Variants in CLEC3A observed in about 807,000 individuals in gnomAD.
CLEC3A encodes C-type (calcium dependent, carbohydrate-recognition domain) lectin, superfamily member 1 (cartilage-derived).
In CLEC3A, 28 loss-of-function variants were observed where a neutral mutation model predicts 20.4. The observed-to-expected ratio is 1.37, with a 90% CI of 1.02 to 1.88. CLEC3A has a LOEUF of 1.88. CLEC3A is among the 40% of genes most tolerant of loss of function. The pLI is 0.00. For synonymous variants in CLEC3A, 110 were observed against 88.1 expected, an observed-to-expected ratio of 1.25 and a Z score of -1.39; for missense variants, 357 against 240.4, an observed-to-expected ratio of 1.48 and a Z score of -3.21.
intron 1 of CLEC3A, among the ~76,000 whole-genome samples, chr16:78,024,739 C>T (rs932558844): frequency 3.3e-5 from 5 of 152,066 alleles, no homozygotes; most frequent in African/African-American, 1.2e-4. Context: ...AAGTGAAAGC[C>T]ATCTTCTCTC....
intron 2 of CLEC3A, chr16:78,029,002 T>C (rs1307676876): frequency 7.5e-6 from 3 of 400,452 alleles, no homozygotes; most frequent in Non-Finnish European, 9.8e-6. Context: ...GACAGTCAAA[T>C]GCTTATGCAG....
rs1440071645 is a variant in CLEC3A, at chr16:78,022,779, A to C, written c.115+38A>C. ...CTCAATCAAGCAAAATTCTAGGCTT[A>C]GACAGTGTGGGGAGGTGCTGGACAA... On this transcript the variant is annotated intron_variant, in intron 1 of 2. Transcript: ENST00000299642. 3 of 1,610,666 alleles carry C rather than the reference A, an allele frequency of 1.9e-6. No homozygotes were observed. The African/African-American group carries it at 4.0e-5, about 22-fold the overall frequency.
chr16:78,029,307 T>G (rs891700137), intron 2 of CLEC3A, among the ~76,000 whole-genome samples: 2 of 152,176 alleles, frequency 1.3e-5, no homozygotes, highest in Non-Finnish European at 2.9e-5. Flanking sequence ...TTACCAAGGC[T>G]CAGTTATCTG....
rs1032761709 is a variant in CLEC3A, at chr16:78,030,011, A to G, written c.200-436A>G. 1.3e-4 allele frequency among the ~76,000 whole-genome samples: 19 copies of G among 151,962 alleles called. 1 individual carries two copies. The highest frequency in any genetic ancestry group is 5.9e-4 in the East Asian group (3 of 5,108). On this transcript the variant is annotated intron_variant, in intron 2 of 2. Transcript: ENST00000299642. Reference sequence around the variant, plus strand: ...TACTAAAAATACAAAAAATTAGCCGAGTGTGGTGGCAGGCACCTGTAGTCC... The same window carrying G: ...TACTAAAAATACAAAAAATTAGCCGGGTGTGGTGGCAGGCACCTGTAGTCC...
intron 1 of CLEC3A, among the ~76,000 whole-genome samples, chr16:78,023,047 T>C (rs1466127188): frequency 2.6e-5 from 4 of 152,248 alleles, no homozygotes; most frequent in Non-Finnish European, 5.9e-5. Context: ...GAAGCTCAAG[T>C]GGATTTCTGA....
At chr16:78,024,642 C>G (rs2142587243) in intron 1 of CLEC3A, among the ~76,000 whole-genome samples, 1 of 152,278 alleles carries the variant, frequency 6.6e-6, no homozygotes, top group East Asian at 1.9e-4. Context: ...CTAAACCGAT[C>G]AAGCAATTAT....
chr16:78,029,038 C>A, intron 2 of CLEC3A: 1 of 439,644 alleles, frequency 2.3e-6, no homozygotes, highest in Non-Finnish European at 4.5e-6. Context: ...CATCCTTTAC[C>A]CACAGTCAGG....
At chr16:78,024,749 C>T (rs1448108682) in intron 1 of CLEC3A, among the ~76,000 whole-genome samples, 2 of 152,188 alleles carry the variant, frequency 1.3e-5, no homozygotes, top group Admixed American at 6.5e-5. Flanking sequence ...CATCTTCTCT[C>T]TCCCAATCCT....
intron 1 of CLEC3A, among the ~76,000 whole-genome samples, chr16:78,025,203 A>G (rs1271667422): frequency 6.6e-6 from 1 of 152,214 alleles, no homozygotes; most frequent in East Asian, 1.9e-4. Flanking sequence ...AAATAAATTT[A>G]TTTCATCTAT....
At chr16:78,027,342 T>C (rs576114546) in intron 1 of CLEC3A, among the ~76,000 whole-genome samples, 1 of 152,294 alleles carries the variant, frequency 6.6e-6, no homozygotes, top group East Asian at 1.9e-4. Flanking sequence ...GGATACTAAA[T>C]TATAGTATAA....
chr16:78,029,389 G>C (rs1652457908), intron 2 of CLEC3A, among the ~76,000 whole-genome samples: 4 of 152,172 alleles, frequency 2.6e-5, no homozygotes, highest in Admixed American at 6.5e-5. Flanking sequence ...TGATTTTTGA[G>C]ACAGAGTCTT....
intron 1 of CLEC3A, among the ~76,000 whole-genome samples, chr16:78,023,072 T>A (rs1394280163): frequency 6.6e-6 from 1 of 152,238 alleles, no homozygotes; most frequent in Non-Finnish European, 1.5e-5. Context: ...CTGGTGTTAT[T>A]AATATGGGGC....
intron 1 of CLEC3A, among the ~76,000 whole-genome samples, chr16:78,027,586 G>C (rs1422642284): frequency 1.3e-5 from 2 of 152,166 alleles, no homozygotes; most frequent in African/African-American, 2.4e-5. Context: ...AAGCTCTTAA[G>C]AATCTTCCTG....
Position 78,030,465 on chromosome 16 carries a change from A to G in CLEC3A, c.218A>G (p.Lys73Arg), listed in dbSNP as rs186509425. The G allele has an allele frequency of 5.6e-6, 9 of 1,607,808 alleles. No homozygotes were observed. In the African/African-American group the frequency reaches 9.4e-5, roughly 17 times the overall value. Reference protein sequence around the residue: ...ALQTVCLRGTKVHKKCYLASE... With the variant: ...ALQTVCLRGTRVHKKCYLASE... ...TTCACAGTCTGTCTCCGAGGCACTAAAGTTCACAAGAAATGCTACCTTGCT... is the reference window on the plus strand; with the variant it reads ...TTCACAGTCTGTCTCCGAGGCACTAGAGTTCACAAGAAATGCTACCTTGCT... Residue 73 changes from lysine (K) to arginine (R), a missense_variant, in exon 3 of 3, where the codon AAA (lysine) becomes AGA (arginine). Coordinates refer to ENST00000299642, the MANE Select transcript of CLEC3A (RefSeq NM_005752.6).
chr16:78,022,807 T>C (rs898262233), intron 1 of CLEC3A, 66 bp downstream of exon 1: 1 of 1,558,924 alleles, frequency 6.4e-7, no homozygotes, highest in Non-Finnish European at 8.7e-7. Flanking sequence ...CTGGACAATG[T>C]TAATTTTCAA....
rs2030077121 is a variant in CLEC3A at position 78,030,793 on chromosome 16, C to T, written c.546C>T (p.Ala182=). 2 of 1,614,064 alleles carry T rather than the reference C, an allele frequency of 1.2e-6. No homozygotes were observed. Among genetic ancestry groups the T allele is most frequent in the East Asian group, 2.2e-5 (1 of 44,886 alleles). The change falls in exon 3 of 3, where the codon GCC becomes GCT. Residue 182 remains alanine, a synonymous_variant. Transcript: ENST00000299642. ...QSAQGKWSDE[A]CRSSKRYICE... ...CTCAGGGCAAGTGGAGTGATGAGGC[C>T]TGTCGCAGCAGCAAGAGATACATAT... is the stretch of plus-strand genomic sequence containing the variant.
At chr16:78,024,862 T>G (rs2018793234) in intron 1 of CLEC3A, among the ~76,000 whole-genome samples, 2 of 152,222 alleles carry the variant, frequency 1.3e-5, no homozygotes, top group South Asian at 4.1e-4. Context: ...AGTCTCACTC[T>G]GCCACCCAGG....
intron 1 of CLEC3A, among the ~76,000 whole-genome samples, chr16:78,026,175 A>G (rs2029912396): frequency 6.6e-6 from 1 of 152,234 alleles, no homozygotes; most frequent in Admixed American, 6.5e-5. Flanking sequence ...GTGTAGCATT[A>G]AGTAAAACAG....
At chr16:78,022,819 C>T in intron 1 of CLEC3A, 78 bp downstream of exon 1, 2 of 1,486,488 alleles carry the variant, frequency 1.3e-6, no homozygotes, top group East Asian at 2.4e-5. Context: ...AATTTTCAAA[C>T]TCCTCCAGGA....
Sources: gnomAD v4.1 joint callset for allele counts (sites outside exome capture counted in the v4.1 genomes callset) on GRCh38, gnomAD v4.1.1 for gene constraint, MANE v1.5 for transcripts, NCBI Gene and HGNC (gene_info 2026-07-23, HGNC 2026-07-21) for gene names.